Variants in PFDN1 observed in about 807,000 individuals in gnomAD.
The protein encoded by PFDN1 is prefoldin subunit 1.
A neutral mutation model predicts 17.3 loss-of-function variants in PFDN1; 6 were observed. The ratio of observed to expected loss-of-function variants is 0.35; its 90% CI spans 0.19 to 0.69. The LOEUF is 0.69. Ranked by LOEUF, PFDN1 falls within the 30% of genes least tolerant of loss-of-function variation. The pLI is 0.65. For missense variants in PFDN1, 113 were observed against 146.2 expected (o/e 0.77, Z 1.17); for synonymous variants, 58 against 50.1 (o/e 1.16, Z -0.67).
intron 3 of PFDN1, chr5:140,265,633 C>T (rs1326841953): frequency 6.6e-6 from 1 of 152,024 alleles, no homozygotes; most frequent in African/African-American, 2.4e-5. Flanking sequence ...AATTTAGTTT[C>T]AAAACTTGAA....
intron 3 of PFDN1, among the ~76,000 whole-genome samples, chr5:140,273,244 C>CAAAAA (rs1204221243): frequency 8.9e-5 from 6 of 67,254 alleles, no homozygotes; most frequent in Non-Finnish European, 1.8e-4. Flanking sequence ...GACTCCATCT[C>CAAAAA]AAAAAAAAAA....
intron 3 of PFDN1, chr5:140,281,240 C>A (rs1765392187): frequency 9.6e-6 from 4 of 415,916 alleles, no homozygotes; most frequent in Non-Finnish European, 1.3e-5. Flanking sequence ...CTCTGCAGTT[C>A]CAAAGAAGAG....
At chr5:140,281,714 G>C in intron 2 of PFDN1, 181 bp from the exon 3 acceptor site, 2 of 553,424 alleles carry the variant, frequency 3.6e-6, no homozygotes, top group South Asian at 4.0e-5. Flanking sequence ...AGGAATAAAG[G>C]CTTAAAAGTA....
In PFDN1 at chr5:140,245,397, T is replaced by C. The variant is rs1037718746; in HGVS notation, c.*577A>G. The C allele has an allele frequency of 4.3e-5, 30 of 700,906 alleles. No individual in the cohort carries two copies. The highest frequency in any genetic ancestry group is 7.4e-5 in the South Asian group (5 of 67,340). The allele number at this position is 700,906 out of a possible 1,614,324, so 43.4% of individuals were successfully genotyped here. A position where few individuals can be genotyped will look rare whatever the true frequency, so the allele number is the denominator to read the frequency against. ...GACTGCCATCCAGGGACTGCTATTC[T>C]GTTCACTGAGATTCAGCTGTGAACA... On this transcript the variant is annotated 3_prime_UTR_variant, in exon 4 of 4. Coordinates refer to ENST00000261813, the MANE Select transcript of PFDN1 (RefSeq NM_002622.5).
chr5:140,249,346 C>T (rs145268713), intron 3 of PFDN1, among the ~76,000 whole-genome samples: 1 of 151,820 alleles, frequency 6.6e-6, no homozygotes, highest in African/African-American at 2.4e-5. Flanking sequence ...AGTAGAAAAC[C>T]AAGTAGAAAA....
intron 1 of PFDN1, among the ~76,000 whole-genome samples, chr5:140,302,213 G>A (rs1280246749): frequency 1.3e-5 from 2 of 152,138 alleles, no homozygotes; most frequent in African/African-American, 4.8e-5. Context: ...TTCTGGCACT[G>A]GTTCCTTTTC....
chr5:140,281,008 T>C (rs1765389201), intron 3 of PFDN1: 1 of 154,712 alleles, frequency 6.5e-6, no homozygotes, highest in Admixed American at 6.5e-5. Context: ...TAGAACCTAA[T>C]TTAGGTTAAA....
chr5:140,295,070 A>T (rs1765633481), intron 2 of PFDN1, among the ~76,000 whole-genome samples: 1 of 152,102 alleles, frequency 6.6e-6, no homozygotes, highest in African/African-American at 2.4e-5. Flanking sequence ...TATTAAAAAA[A>T]AAGTTAATTT....
At chr5:140,285,817 C>G (rs1437859007) in intron 2 of PFDN1, among the ~76,000 whole-genome samples, 7 of 151,864 alleles carry the variant, frequency 4.6e-5, no homozygotes, top group Admixed American at 4.6e-4. Context: ...CACACTGGCA[C>G]AGAAATAGGA....
chr5:140,274,015 G>T, intron 3 of PFDN1: 1 of 300,436 alleles, frequency 3.3e-6, no homozygotes, highest in Non-Finnish European at 4.9e-6. Context: ...TTACCTCAAG[G>T]ATTCCTAATA....
intron 3 of PFDN1, among the ~76,000 whole-genome samples, chr5:140,250,161 G>C (rs996798697): frequency 7.2e-5 from 11 of 152,140 alleles, no homozygotes; most frequent in Non-Finnish European, 2.9e-5. Context: ...ACTTTAGGGA[G>C]AAACAACTAT....
intron 3 of PFDN1, among the ~76,000 whole-genome samples, chr5:140,270,234 G>A (rs1265325126): frequency 6.6e-6 from 1 of 152,194 alleles, no homozygotes; most frequent in Non-Finnish European, 1.5e-5. Flanking sequence ...GCCTGAAAAT[G>A]ATTTGAGGAA....
intron 3 of PFDN1, among the ~76,000 whole-genome samples, chr5:140,276,950 T>C (rs1215311422): frequency 6.6e-6 from 1 of 152,046 alleles, no homozygotes; most frequent in Non-Finnish European, 1.5e-5. Context: ...GCACAGTGGC[T>C]CACTCACACC....
intron 2 of PFDN1, among the ~76,000 whole-genome samples, chr5:140,300,040 CAA>C (rs1019205214): frequency 6.6e-6 from 1 of 151,756 alleles, no homozygotes; most frequent in East Asian, 2.0e-4. Context: ...TACTTTAAAC[CAA>C]AGTTTCTTTT....
intron 3 of PFDN1, among the ~76,000 whole-genome samples, chr5:140,275,397 A>G (rs1171402668): frequency 1.4e-5 from 2 of 144,416 alleles, no homozygotes; most frequent in African/African-American, 5.1e-5. Context: ...AGACAGAACG[A>G]GACTCTGTCT....
intron 3 of PFDN1, 44 bp from the exon 4 acceptor site, chr5:140,246,101 G>C (rs376876150): frequency 2.4e-5 from 29 of 1,191,404 alleles, no homozygotes; most frequent in African/African-American, 1.5e-4. Flanking sequence ...AGAGTGAATG[G>C]GCCGGGCTGG....
intron 3 of PFDN1, among the ~76,000 whole-genome samples, chr5:140,262,127 A>G (rs1765074107): frequency 6.6e-6 from 1 of 152,194 alleles, no homozygotes; most frequent in East Asian, 1.9e-4. Context: ...AACATGACTC[A>G]AAGGGTGGTT....
At chr5:140,283,779 T>A (rs2126694558) in intron 2 of PFDN1, among the ~76,000 whole-genome samples, 1 of 152,228 alleles carries the variant, frequency 6.6e-6, no homozygotes, top group Middle Eastern at 3.4e-3. Context: ...AAGAGAAGAG[T>A]TGTTTTGAAC....
intron 3 of PFDN1, among the ~76,000 whole-genome samples, chr5:140,276,780 C>CAAAAAAAA (rs35889345): frequency 1.5e-4 from 7 of 46,734 alleles, no homozygotes; most frequent in African/African-American, 2.0e-4. Context: ...GACACCGTCT[C>CAAAAAAAA]AAAAAAAAAA....
Sources: allele counts gnomAD v4.1 joint callset (sites outside exome capture counted in the v4.1 genomes callset), GRCh38; gene constraint gnomAD v4.1.1; transcripts MANE v1.5; gene names NCBI Gene and HGNC (gene_info 2026-07-23, HGNC 2026-07-21).